The following C6 variants were observed in gnomAD, a reference collection of about 807,000 sequenced individuals.
The protein encoded by C6 is complement component C6.
Under a neutral mutation model 112.9 loss-of-function variants are expected in C6, and 101 were observed. The observed-to-expected ratio is 0.89, with a 90% CI of 0.76 to 1.06. The LOEUF is 1.06. Among genes scored for constraint, C6 ranks in the 50% least tolerant of loss-of-function variants. The pLI is 0.00. For missense variants in C6, 1,202 were observed against 1,104.6 expected (o/e 1.09, Z -1.25); for synonymous variants, 431 against 384.1 (o/e 1.12, Z -1.43).
At chr5:41,166,246 G>C (rs1747964398) in intron 9 of C6, among the ~76,000 whole-genome samples, 1 of 152,048 alleles carries the variant, frequency 6.6e-6, no homozygotes, top group Non-Finnish European at 1.5e-5. Flanking sequence ...AATTTTTTTA[G>C]TAAGGCATAC....
chr5:41,248,550 T>A (rs1238192398), intron 1 of C6, among the ~76,000 whole-genome samples: 1 of 152,162 alleles, frequency 6.6e-6, no homozygotes, highest in Non-Finnish European at 1.5e-5. Flanking sequence ...GACATGCAAG[T>A]GGCCAACAAA....
intron 1 of C6, among the ~76,000 whole-genome samples, chr5:41,227,687 G>A (rs1207492825): frequency 2.0e-5 from 3 of 151,998 alleles, no homozygotes; most frequent in African/African-American, 7.2e-5. Flanking sequence ...TTCTTTTTAT[G>A]TGGATATCCA....
At chr5:41,181,958 CT>C (rs1220930933) in intron 6 of C6, among the ~76,000 whole-genome samples, 4 of 152,276 alleles carry the variant, frequency 2.6e-5, no homozygotes, top group Admixed American at 2.6e-4. Context: ...CTTTTCAGTT[CT>C]GACAACTGGG....
rs551187113 is a variant in C6 at position 41,172,357 on chromosome 5, G to A, written c.1169-10C>T. ...TCTTCCTCGGTTAAACCTAGGAGATGAAGTACAAACAGAAACCACTGAGAA... is the reference window on the plus strand; with the variant it reads ...TCTTCCTCGGTTAAACCTAGGAGATAAAGTACAAACAGAAACCACTGAGAA... On this transcript the variant is annotated splice_polypyrimidine_tract_variant and intron_variant, in intron 8 of 17. Transcript: ENST00000337836. 1.8e-4 allele frequency: 283 copies of A among 1,613,128 alleles called. 4 individuals are homozygous for A. In the South Asian group the frequency reaches 3.0e-3, roughly 17 times the overall value.
At chr5:41,201,054 C>T (rs1293203775) in intron 3 of C6, among the ~76,000 whole-genome samples, 3 of 151,694 alleles carry the variant, frequency 2.0e-5, no homozygotes, top group Middle Eastern at 3.4e-3. Flanking sequence ...GTCTCATGAA[C>T]AAAATTATTT....
At chr5:41,149,581 T>G (rs1442558865) in intron 16 of C6, 99 bp from the exon 17 acceptor site, 1 of 1,508,462 alleles carries the variant, frequency 6.6e-7, no homozygotes, top group Non-Finnish European at 9.1e-7. Flanking sequence ...CCAGTTTTCT[T>G]TTGCCTGTTT....
intron 1 of C6, among the ~76,000 whole-genome samples, chr5:41,250,723 GAGCCCAGGTA>G (rs1179970196): frequency 1.3e-5 from 2 of 152,178 alleles, no homozygotes; most frequent in South Asian, 4.1e-4. Flanking sequence ...GACCCCAGGT[GAGCCCAGGTA>G]AGCCACAGTA....
rs368082621 is a variant in C6 at position 41,238,579 on chromosome 5, G to C, written c.-21+22615C>G. On this transcript the variant is annotated intron_variant, in intron 1 of 17. Coordinates refer to the C6 transcript ENST00000263413. ...GAAAAGAGGAAGAGAAGAGACAAAG[G>C]GTTCAGGAAGTGATGGAGAAGAGGT... Among the ~76,000 whole-genome samples, 6 of 152,278 alleles carry C rather than the reference G, an allele frequency of 3.9e-5. 1 individual carries two copies. The highest frequency in any genetic ancestry group is 2.0e-4 in the Admixed American group (3 of 15,286).
rs772864879 is a variant in C6, at chr5:41,199,897, C to T, written c.316G>A (p.Val106Ile). The change falls in exon 4 of 18, where the codon GTC becomes ATC. Residue 106 changes from valine to isoleucine, a missense_variant. Physicochemically the swap from Val to Ile is conservative, Grantham distance 29. Transcript: ENST00000337836. ...CIEKQSKVRS[V>I]LRPSQFGGQP... ...CCCCCAAACTGACTGGGACGCAAGA[C>T]AGATCTAACTTTAGACTGAAAGGAA... 1.9e-6 allele frequency: 3 copies of T among 1,613,570 alleles called. No homozygotes were observed. The highest frequency in any genetic ancestry group is 1.1e-5 in the South Asian group (1 of 91,070).
At chr5:41,156,321 A>T (rs1367887811) in intron 13 of C6, among the ~76,000 whole-genome samples, 2 of 152,084 alleles carry the variant, frequency 1.3e-5, no homozygotes, top group East Asian at 1.9e-4. Context: ...TAGTATCTTG[A>T]GGTACAACGT....
At chr5:41,195,640 T>C in intron 5 of C6, 152 bp downstream of exon 5, 4 of 857,786 alleles carry the variant, frequency 4.7e-6, no homozygotes, top group Non-Finnish European at 5.9e-6. Context: ...GCCACATACC[T>C]CCTGAACATG....
At chr5:41,238,669 G>A (rs4957382) in intron 1 of C6, among the ~76,000 whole-genome samples, 2 of 152,130 alleles carry the variant, frequency 1.3e-5, no homozygotes, top group African/African-American at 2.4e-5. Flanking sequence ...TTTTTATGGT[G>A]TAATATCTGA....
At chr5:41,202,223 G>A (rs1751084372) in intron 2 of C6, among the ~76,000 whole-genome samples, 1 of 152,160 alleles carries the variant, frequency 6.6e-6, no homozygotes, top group South Asian at 2.1e-4. Flanking sequence ...AGAGGGAAGG[G>A]AATTTGGAGG....
intron 7 of C6, 76 bp from the exon 8 acceptor site, chr5:41,176,791 A>G (rs777344957): frequency 6.1e-6 from 8 of 1,320,916 alleles, no homozygotes; most frequent in Non-Finnish European, 8.5e-6. Context: ...AATGTCATTG[A>G]TTTATCATTA....
intron 1 of C6, among the ~76,000 whole-genome samples, chr5:41,247,691 C>T (rs1456655282): frequency 6.7e-6 from 1 of 148,630 alleles, no homozygotes; most frequent in Non-Finnish European, 1.5e-5. Context: ...GCACTCCAGC[C>T]TGGGTGACAG....
At chr5:41,147,119 T>G (rs1290557359) in intron 17 of C6, among the ~76,000 whole-genome samples, 1 of 152,210 alleles carries the variant, frequency 6.6e-6, no homozygotes, top group Admixed American at 6.5e-5. Flanking sequence ...AATGTTCTTA[T>G]ACTACATTTC....
At position 41,220,521 on chromosome 5, in the gene C6, G is replaced by A. The variant is rs6889037; in HGVS notation, c.-20-17271C>T. 9.5e-3 allele frequency among the ~76,000 whole-genome samples: 1,441 copies of A among 151,984 alleles called. 10 individuals are homozygous for A. Among genetic ancestry groups the A allele is most frequent in the Non-Finnish European group, 0.015 (986 of 67,962 alleles). On this transcript the variant is annotated intron_variant, in intron 1 of 17. Transcript: ENST00000263413. ...TTTTGTGTGTAATCAGAAAGAAGGCGTTTATATAAATCAGATTTATTTTTT... is the reference window on the plus strand; with the variant it reads ...TTTTGTGTGTAATCAGAAAGAAGGCATTTATATAAATCAGATTTATTTTTT...
chr5:41,162,363 A>C (rs1275595560), intron 9 of C6, among the ~76,000 whole-genome samples: 1 of 152,174 alleles, frequency 6.6e-6, no homozygotes, highest in African/African-American at 2.4e-5. Context: ...ATTGACTGTC[A>C]TGGTGAAACT....
intron 2 of C6, 68 bp downstream of exon 2, chr5:41,203,020 C>T: frequency 1.4e-6 from 2 of 1,462,870 alleles, no homozygotes; most frequent in Non-Finnish European, 1.9e-6. Context: ...TGTTGCACTC[C>T]TGATGTTGCT....
Sources: allele counts gnomAD v4.1 joint callset (sites outside exome capture counted in the v4.1 genomes callset), GRCh38; gene constraint gnomAD v4.1.1; transcripts MANE v1.5; gene names NCBI Gene and HGNC (gene_info 2026-07-23, HGNC 2026-07-21).